The following INO80 variants were observed in gnomAD, a reference collection of about 807,000 sequenced individuals.
INO80 encodes INO80 complex ATPase subunit, also known as chromatin-remodeling ATPase INO80.
INO80 carries 20 observed loss-of-function variants against 203.4 expected under a neutral mutation model. The observed-to-expected ratio is 0.10, with a 90% CI of 0.07 to 0.14. The LOEUF is 0.14. INO80 is among the 10% of genes least tolerant of loss of function. The pLI is 1.00. For synonymous variants in INO80, 726 were observed against 685.2 expected (o/e 1.06, Z -0.93); for missense variants, 1,419 against 1,914.4 (o/e 0.74, Z 4.83).
intron 14 of INO80, among the ~76,000 whole-genome samples, chr15:41,063,450 A>C (rs1259659768): frequency 6.6e-6 from 1 of 152,134 alleles, no homozygotes; most frequent in Admixed American, 6.6e-5. Flanking sequence ...TTTACATTAA[A>C]AGCACAAATA....
chr15:41,017,983 G>C (rs930626497), intron 26 of INO80: 1 of 152,064 alleles, frequency 6.6e-6, no homozygotes, highest in Non-Finnish European at 1.5e-5. Flanking sequence ...CAACTTTTAA[G>C]GTTTTATTCT....
intron 1 of INO80, among the ~76,000 whole-genome samples, chr15:41,110,056 C>G (rs933747830): frequency 2.7e-5 from 4 of 150,638 alleles, no homozygotes; most frequent in Admixed American, 6.6e-5. Flanking sequence ...GATCGTGCTA[C>G]TGCACACCAA....
intron 28 of INO80, among the ~76,000 whole-genome samples, chr15:40,998,421 G>C (rs917392832): frequency 2.6e-5 from 4 of 152,100 alleles, no homozygotes; most frequent in African/African-American, 9.7e-5. Flanking sequence ...TTGAATTTAG[G>C]ATCAGTCCAT....
chr15:41,089,183 C>G, intron 5 of INO80, among the ~76,000 whole-genome samples: 1 of 151,950 alleles, frequency 6.6e-6, no homozygotes, highest in East Asian at 1.9e-4. Flanking sequence ...GAGCCTCCAT[C>G]TCAAAAAATA....
In INO80 at chr15:41,088,065, A is replaced by G. The variant is rs997135622; in HGVS notation, c.538-383T>C. On this transcript the variant is annotated intron_variant, in intron 5 of 35. Transcript: ENST00000648947. ...TTACCAACAGTTCCTCAGATTTACT[A>G]AGGTTCCTCATGCTTGCTTTTCTTT... Among the ~76,000 whole-genome samples, 5 of 150,874 alleles carry G rather than the reference A, an allele frequency of 3.3e-5. No homozygotes were observed. The South Asian group carries it at 8.5e-4, about 26-fold the overall frequency.
chr15:41,078,907 G>A (rs751536141), intron 9 of INO80, among the ~76,000 whole-genome samples: 3 of 152,170 alleles, frequency 2.0e-5, no homozygotes, highest in Non-Finnish European at 4.4e-5. Flanking sequence ...TTGGGAGGCC[G>A]AGGCAGGCGT....
chr15:41,072,416 T>C (rs2045335239), intron 11 of INO80, among the ~76,000 whole-genome samples: 1 of 151,848 alleles, frequency 6.6e-6, no homozygotes, highest in Admixed American at 6.6e-5. Context: ...AACATCACTA[T>C]ATCATACATA....
At chr15:41,027,539 A>T (rs1462921545) in intron 25 of INO80, 57 bp downstream of exon 25, 1 of 1,393,330 alleles carries the variant, frequency 7.2e-7, no homozygotes, top group Non-Finnish European at 9.8e-7. Flanking sequence ...TCCCTTAAAA[A>T]TTGGTTTATT....
chr15:41,054,663 G>T (rs1229757149), intron 18 of INO80, among the ~76,000 whole-genome samples: 3 of 152,144 alleles, frequency 2.0e-5, no homozygotes, highest in Non-Finnish European at 2.9e-5. Flanking sequence ...TTTTGAGATG[G>T]AGTCTGGCTC....
Position 41,044,801 on chromosome 15 carries a change from T to G in INO80, c.2907+103A>C, listed in dbSNP as rs1596287409. The G allele has an allele frequency of 4.4e-6, 5 of 1,137,944 alleles. No homozygotes were observed. The Admixed American group carries it at 1.5e-4, about 33-fold the overall frequency. The allele number at this position is 1,137,944 out of a possible 1,614,324, so 70.5% of individuals were successfully genotyped here. On this transcript the variant is annotated intron_variant, in intron 24 of 35. Coordinates refer to ENST00000648947, the MANE Select transcript of INO80 (RefSeq NM_017553.3). ...CACCGCCCACTCCTCTGGGAACTTTTTGGTTCTCTCAGGCCTTCATTTACT... is the reference window on the plus strand; with the variant it reads ...CACCGCCCACTCCTCTGGGAACTTTGTGGTTCTCTCAGGCCTTCATTTACT...
intron 25 of INO80, 105 bp downstream of exon 25, chr15:41,027,491 G>A (rs2044392898): frequency 1.0e-6 from 1 of 992,256 alleles, no homozygotes; most frequent in Non-Finnish European, 1.5e-6. Flanking sequence ...GTTTCTTAAA[G>A]TCCAAATAGT....
chr15:41,090,120 A>G (rs1203136144), intron 5 of INO80, among the ~76,000 whole-genome samples: 2 of 152,248 alleles, frequency 1.3e-5, no homozygotes, highest in African/African-American at 4.8e-5. Context: ...GATAAGGTAT[A>G]AATACAACGA....
intron 26 of INO80, chr15:41,016,794 G>C (rs1359796918): frequency 6.6e-6 from 1 of 152,424 alleles, no homozygotes; most frequent in Non-Finnish European, 1.5e-5. Flanking sequence ...CTGGGCTCAA[G>C]TGATCCTCCC....
At chr15:41,007,182 C>T (rs111630735) in intron 27 of INO80, among the ~76,000 whole-genome samples, 1,445 of 118,744 alleles carry the variant, frequency 0.012, 2 homozygotes, top group Middle Eastern at 0.034. Context: ...TTTTTTTTTT[C>T]TTTTTTTTTT....
intron 24 of INO80, among the ~76,000 whole-genome samples, chr15:41,043,825 C>G (rs1191459204): frequency 2.0e-5 from 3 of 152,214 alleles, no homozygotes; most frequent in Admixed American, 6.5e-5. Context: ...GGACCTACAT[C>G]TATAACTTCA....
In INO80 at chr15:41,005,582, A is replaced by T. The variant is rs2044029180; in HGVS notation, c.3497+11T>A. 6.8e-7 allele frequency: 1 copy of T among 1,481,198 alleles called. No homozygotes were observed. The highest frequency in any genetic ancestry group is 1.4e-5 in the African/African-American group (1 of 71,564). The allele number at this position is 1,481,198 out of a possible 1,614,324, so 91.8% of individuals were successfully genotyped here. On this transcript the variant is annotated intron_variant, in intron 28 of 35. Coordinates refer to ENST00000648947, the MANE Select transcript of INO80 (RefSeq NM_017553.3). Reference sequence around the variant, plus strand: ...TAAAAAGATAATTTTTGTAATTCCCATGAACATTACCTGTTCTGAAAATCA... The same window carrying T: ...TAAAAAGATAATTTTTGTAATTCCCTTGAACATTACCTGTTCTGAAAATCA...
chr15:41,087,911 CA>C (rs2045584877), intron 5 of INO80, among the ~76,000 whole-genome samples: 1 of 151,912 alleles, frequency 6.6e-6, no homozygotes, highest in African/African-American at 2.4e-5. Flanking sequence ...TTTAAGAAAG[CA>C]AAACTCTTCA....
intron 24 of INO80, among the ~76,000 whole-genome samples, chr15:41,034,403 T>A (rs1057048653): frequency 2.0e-5 from 3 of 152,094 alleles, no homozygotes; most frequent in Non-Finnish European, 4.4e-5. Context: ...GTATGTGACC[T>A]CACACAGCTT....
At chr15:41,033,950 T>C (rs2044531132) in intron 24 of INO80, among the ~76,000 whole-genome samples, 1 of 151,918 alleles carries the variant, frequency 6.6e-6, no homozygotes, top group Middle Eastern at 3.4e-3. Flanking sequence ...TAGTCCCAGC[T>C]TCTCGGGAGG....
Sources: allele counts gnomAD v4.1 joint callset (sites outside exome capture counted in the v4.1 genomes callset), GRCh38; gene constraint gnomAD v4.1.1; transcripts MANE v1.5; gene names NCBI Gene and HGNC (gene_info 2026-07-23, HGNC 2026-07-21).